The following BOP1 variants were observed in gnomAD, a reference collection of about 807,000 sequenced individuals.
BOP1 encodes ribosome biogenesis protein BOP1.
BOP1 carries 54 observed loss-of-function variants against 82.9 expected under a neutral mutation model. The ratio of observed to expected loss-of-function variants is 0.65; its 90% CI spans 0.52 to 0.82. The LOEUF is 0.82. BOP1 is among the 40% of genes least tolerant of loss of function. The probability of loss-of-function intolerance (pLI) is 0.00; values close to 1 mark genes in which losing one functional copy is unlikely to be tolerated. For synonymous variants in BOP1, 566 were observed against 451.1 expected (o/e 1.25, Z -3.23); for missense variants, 1,170 against 1,072.0 (o/e 1.09, Z -1.28).
Position 144,262,523 on chromosome 8 carries a change from TTGAAGGCAGGCTCGGGC to T in BOP1, c.1980-37_1980-21del, listed in dbSNP as rs1320751978. The T allele has an allele frequency of 1.2e-6, 2 of 1,612,646 alleles. No homozygotes were observed. Among genetic ancestry groups the T allele is most frequent in the Non-Finnish European group, 1.7e-6 (2 of 1,179,718 alleles). ...TGGTGTCTGGGGGGAGGGAACCAGGTTGAAGGCAGGCTCGGGCTGAAGGGAGGGGCTCTGCTGGCCGC... is the reference window on the plus strand; with the variant it reads ...TGGTGTCTGGGGGGAGGGAACCAGGTTGAAGGGAGGGGCTCTGCTGGCCGC... On this transcript the variant is annotated intron_variant, in intron 14 of 15. Transcript: ENST00000569669.
At chr8:144,268,238 A>AT in intron 3 of BOP1, 1 of 1,516,262 alleles carries the variant, frequency 6.6e-7, no homozygotes, top group Non-Finnish European at 8.9e-7. Flanking sequence ...TGAGCTGGGC[A>AT]AGGCCCACCG....
intron 3 of BOP1, among the ~76,000 whole-genome samples, chr8:144,275,849 A>C: frequency 6.7e-6 from 1 of 149,200 alleles, no homozygotes; most frequent in African/African-American, 2.5e-5. Flanking sequence ...CATGCCCGTG[A>C]CCCCCACCCC....
intron 3 of BOP1, among the ~76,000 whole-genome samples, chr8:144,272,570 A>AC (rs1401764466): frequency 6.6e-6 from 1 of 151,436 alleles, no homozygotes; most frequent in Admixed American, 6.6e-5. Context: ...CCTGTAGAGC[A>AC]CCCCCCGCTG....
chr8:144,270,087 G>T (rs1051056777), intron 3 of BOP1, among the ~76,000 whole-genome samples: 5 of 152,200 alleles, frequency 3.3e-5, no homozygotes, highest in Non-Finnish European at 7.3e-5. Flanking sequence ...GCCGGTCAAC[G>T]TTGGGGACAA....
At position 144,283,787 on chromosome 8, in the gene BOP1, C is replaced by T. The variant is rs75293313; in HGVS notation, c.309+5308G>A. On this transcript the variant is annotated intron_variant, in intron 2 of 15. Coordinates refer to ENST00000569669, the MANE Select transcript of BOP1 (RefSeq NM_015201.5). ...CGGCTGCAGTAGTGCATGGCATCAC[C>T]GCCTAGCGGAGGGACGCTCCAAGCA... 5.3e-5 allele frequency among the ~76,000 whole-genome samples: 8 copies of T among 152,344 alleles called. No homozygotes were observed. In the East Asian group the frequency reaches 1.2e-3, roughly 22 times the overall value.
chr8:144,277,101 A>G (rs1174982456), intron 2 of BOP1, among the ~76,000 whole-genome samples: 1 of 152,064 alleles, frequency 6.6e-6, no homozygotes, highest in African/African-American at 2.4e-5. Context: ...CCCACCTCTC[A>G]CCCGTGGGGG....
chr8:144,291,342 G>A lies in BOP1; in HGVS notation c.29C>T (p.Thr10Met), dbSNP rs1301473959. The stretch of plus-strand genomic sequence containing the variant: ...CTCCGGCCGCACGCTCGGCGCCGCC[G>A]TGCGCCCCGCACCCCGCGAACCCGC... Reference protein sequence around the residue: MAGSRGAGRTAAPSVRPEKR... With the variant: MAGSRGAGRMAAPSVRPEKR... The change falls in exon 1 of 16, where the codon ACG (threonine) becomes ATG (methionine). Residue 10 changes from threonine to methionine, a missense_variant. Thr to Met is a moderately conservative substitution (Grantham distance 81). Transcript: ENST00000569669. This position sits in a 1 kb window ranked among gnomAD's most constrained non-coding sequence, Gnocchi z 4.1. The A allele has an allele frequency of 1.4e-6, 2 of 1,403,290 alleles. No individual in the cohort carries two copies. The highest frequency in any genetic ancestry group is 1.9e-6 in the Non-Finnish European group (2 of 1,074,504). 86.9% of individuals were successfully genotyped at this position (1,403,290 alleles called of 1,614,324 possible). A position where few individuals can be genotyped will look rare whatever the true frequency, so the allele number is the denominator to read the frequency against.
chr8:144,267,822 G>A (rs1242096790), intron 3 of BOP1, among the ~76,000 whole-genome samples: 1 of 152,242 alleles, frequency 6.6e-6, no homozygotes, highest in Non-Finnish European at 1.5e-5. Context: ...AAAGCAGGGT[G>A]AGCAGGGAGA....
chr8:144,288,952 C>T lies in BOP1; in HGVS notation c.309+143G>A, dbSNP rs144928973. On this transcript the variant is annotated intron_variant, in intron 2 of 15. Transcript: ENST00000569669. The stretch of plus-strand genomic sequence containing the variant: ...GGAAACCAGCGTCCTAGAGCCCAAG[C>T]GTGCCCCAGGTGCAGTGAAGGAGGG... 7.0e-4 allele frequency: 573 copies of T among 818,376 alleles called. 3 individuals carry two copies. In the East Asian group the frequency reaches 0.012, roughly 17 times the overall value. 50.7% of individuals were successfully genotyped at this position (818,376 alleles called of 1,614,324 possible).
At chr8:144,286,403 C>T (rs1308419773) in intron 2 of BOP1, among the ~76,000 whole-genome samples, 39 of 140,214 alleles carry the variant, frequency 2.8e-4, no homozygotes, top group African/African-American at 7.5e-4. Context: ...ATGGGCGCCA[C>T]GGCAGGGCAG....
At chr8:144,279,446 G>C (rs1554838679) in intron 2 of BOP1, among the ~76,000 whole-genome samples, 1 of 152,136 alleles carries the variant, frequency 6.6e-6, no homozygotes, top group Non-Finnish European at 1.5e-5. Flanking sequence ...ACAGACCAGA[G>C]ACCACTCCAC....
chr8:144,265,152 G>A (rs1360235454), intron 3 of BOP1, 81 bp from the exon 4 acceptor site: 8 of 1,508,254 alleles, frequency 5.3e-6, no homozygotes, highest in Non-Finnish European at 7.2e-6. Context: ...AGCAGGTGAG[G>A]GGGTTGCAGG....
intron 2 of BOP1, among the ~76,000 whole-genome samples, chr8:144,284,116 C>G (rs1216096862): frequency 6.7e-6 from 1 of 149,394 alleles, no homozygotes; most frequent in Non-Finnish European, 1.5e-5. Context: ...GACTCTGTCT[C>G]AAAAAACAAA....
At chr8:144,270,333 G>T (rs1845472222) in intron 3 of BOP1, among the ~76,000 whole-genome samples, 1 of 152,162 alleles carries the variant, frequency 6.6e-6, no homozygotes, top group Non-Finnish European at 1.5e-5. Flanking sequence ...GTGGACTGGG[G>T]TCAGAGTTTG....
chr8:144,276,404 G>T, intron 2 of BOP1, 100 bp from the exon 3 acceptor site: 1 of 1,342,578 alleles, frequency 7.4e-7, no homozygotes, highest in African/African-American at 1.4e-5. Flanking sequence ...TCTCTGAGCA[G>T]CTCCAGCCTG....
Position 144,277,805 on chromosome 8 carries a change from G to A in BOP1, c.310-1501C>T, listed in dbSNP as rs191705513. Among the ~76,000 whole-genome samples, 229 of 55,732 alleles carry A rather than the reference G, an allele frequency of 4.1e-3. 1 individual carries two copies. Among genetic ancestry groups the A allele is most frequent in the Middle Eastern group, 0.034 (3 of 88 alleles). 36.6% of individuals were successfully genotyped at this position (55,732 alleles called of 152,430 possible). The stretch of plus-strand genomic sequence containing the variant: ...AGCGCCCGAAGGGCAGGGGCGGTGC[G>A]GGCAGGGGCGGTGCGGGCAGGGGCG... On this transcript the variant is annotated intron_variant, in intron 2 of 15. Transcript: ENST00000569669.
rs1845278238 is a variant in BOP1 at position 144,263,388 on chromosome 8, G to A, written c.1438C>T (p.Leu480=). 1.9e-6 allele frequency: 3 copies of A among 1,597,572 alleles called. No individual in the cohort carries two copies. The highest frequency in any genetic ancestry group is 1.7e-6 in the Non-Finnish European group (2 of 1,179,628). Residue 480 remains leucine, a synonymous_variant, in exon 12 of 16, where the codon CTG becomes TTG. Transcript: ENST00000569669. Reference sequence around the variant, plus strand: ...TCCCCCAGAGCTGGGTTCAGCAGCAGCACCGAGTCCTCCCTGTGAGCCAGG... The same window carrying A: ...TCCCCCAGAGCTGGGTTCAGCAGCAACACCGAGTCCTCCCTGTGAGCCAGG... ...LVAAAVEDSV[L]LLNPALGDRL...
At chr8:144,277,959 G>C (rs1845596585) in intron 2 of BOP1, among the ~76,000 whole-genome samples, 1 of 152,330 alleles carries the variant, frequency 6.6e-6, no homozygotes, top group Admixed American at 6.5e-5. Flanking sequence ...TAACGACACA[G>C]ACAACGGAAC....
chr8:144,280,956 T>TTCTCTTACTTTAGTACTAGGTCTTA (rs1845660360), intron 2 of BOP1, among the ~76,000 whole-genome samples: 1 of 67,492 alleles, frequency 1.5e-5, no homozygotes, highest in African/African-American at 6.1e-5. Flanking sequence ...ACCAGGTCTT[T>TTCTCTTACTTTAGTACTAGGTCTTA]GGCCTTCTCT....
Sources: gnomAD v4.1 joint callset for allele counts (sites outside exome capture counted in the v4.1 genomes callset) on GRCh38, gnomAD v4.1.1 for gene constraint, Gnocchi (gnomAD v3.1) non-coding constraint, MANE v1.5 for transcripts, NCBI Gene and HGNC (gene_info 2026-07-23, HGNC 2026-07-21) for gene names.